MAP9: variants seen among roughly 807,000 people sequenced by gnomAD.
MAP9 encodes microtubule associated protein 9.
MAP9 carries 80 observed loss-of-function variants against 75.2 expected under a neutral mutation model. That is an observed-to-expected ratio of 1.06 (90% CI 0.89 to 1.28). MAP9 has a LOEUF of 1.28. Among genes scored for constraint, MAP9 ranks in the 50% most tolerant of loss-of-function variants. The pLI, the probability that MAP9 is intolerant of heterozygous loss-of-function variation, is 0.00. For synonymous variants in MAP9, 235 were observed against 237.3 expected, an observed-to-expected ratio of 0.99 and a Z score of 0.09; for missense variants, 753 against 719.9, an observed-to-expected ratio of 1.05 and a Z score of -0.53.
chr4:155,373,109 G>A (rs1732675106), intron 4 of MAP9, 27 bp downstream of exon 4: 1 of 1,410,222 alleles, frequency 7.1e-7, no homozygotes, highest in Non-Finnish European at 9.5e-7. Flanking sequence ...TCCAAGAAAT[G>A]CAATTACAGT....
chr4:155,352,691 T>C lies in MAP9; in HGVS notation c.1726A>G (p.Lys576Glu), dbSNP rs1259675166. 5 of 1,564,276 alleles carry C rather than the reference T, an allele frequency of 3.2e-6. No individual in the cohort carries two copies. In the South Asian group the frequency reaches 3.4e-5, roughly 11 times the overall value. Residue 576 changes from lysine to glutamate, a missense_variant, in exon 13 of 14, where the codon AAA (lysine) becomes GAA (glutamate). By Grantham distance (56) the Lys-to-Glu change is moderately conservative. Transcript: ENST00000311277. ...TTTCTTTTCTCATTTATTTTTTCTTTTTCCTTTTGCTTGAAAAAAGCTTCC... is the reference window on the plus strand; with the variant it reads ...TTTCTTTTCTCATTTATTTTTTCTTCTTCCTTTTGCTTGAAAAAAGCTTCC... Reference protein sequence around the residue: ...KKEAFFKQKEKEKINEKRKEE... With the variant: ...KKEAFFKQKEEEKINEKRKEE...
intron 5 of MAP9, chr4:155,362,965 A>C (rs1732156296): frequency 6.6e-6 from 1 of 152,206 alleles, no homozygotes; most frequent in African/African-American, 2.4e-5. Context: ...TTTTGCCAGA[A>C]GGCATTCTCC....
Position 155,365,532 on chromosome 4 carries a change from A to G in MAP9, c.708+3054T>C, listed in dbSNP as rs1732284811. Among the ~76,000 whole-genome samples, 3 of 152,140 alleles carry G rather than the reference A, an allele frequency of 2.0e-5. No individual in the cohort carries two copies. The South Asian group carries it at 6.2e-4, about 31-fold the overall frequency. ...GACCAAACTTAAATTATACAACATT[A>G]TATTCAACACCTGGAGAACACATCT... On this transcript the variant is annotated intron_variant, in intron 5 of 13. Transcript: ENST00000311277.
intron 10 of MAP9, 31 bp from the exon 11 acceptor site, chr4:155,353,371 C>G: frequency 6.7e-7 from 1 of 1,498,378 alleles, no homozygotes; most frequent in Middle Eastern, 2.0e-4. Context: ...GAGTGATATA[C>G]ATATATATGT....
chr4:155,368,491 C>A, intron 5 of MAP9, 95 bp downstream of exon 5: 1 of 1,000,926 alleles, frequency 1.0e-6, no homozygotes, highest in Non-Finnish European at 1.6e-6. Flanking sequence ...CACACACACA[C>A]GCACACAAAT....
At chr4:155,352,463 G>C in intron 13 of MAP9, 133 bp downstream of exon 13, 1 of 839,982 alleles carries the variant, frequency 1.2e-6, no homozygotes, top group Non-Finnish European at 1.9e-6. Context: ...CAGGAGGAGA[G>C]CTTGAATTCA....
At chr4:155,375,176 G>A (rs968256295) in intron 2 of MAP9, among the ~76,000 whole-genome samples, 155 bp from the exon 3 acceptor site, 7 of 152,232 alleles carry the variant, frequency 4.6e-5, no homozygotes, top group African/African-American at 1.4e-4. Context: ...TTTATGCCAT[G>A]TACCCACTTT....
chr4:155,358,203 T>C (rs1731892318), intron 7 of MAP9, among the ~76,000 whole-genome samples: 1 of 152,226 alleles, frequency 6.6e-6, no homozygotes, highest in Non-Finnish European at 1.5e-5. Flanking sequence ...ATGAAATGCC[T>C]GTTCTAATTT....
At chr4:155,364,642 C>CA (rs1488219418) in intron 5 of MAP9, among the ~76,000 whole-genome samples, 13 of 149,266 alleles carry the variant, frequency 8.7e-5, no homozygotes, top group African/African-American at 2.9e-4. Context: ...AAGTCTAATA[C>CA]AAAAAACTGA....
chr4:155,365,846 C>G (rs1376161361), intron 5 of MAP9, among the ~76,000 whole-genome samples: 2 of 151,152 alleles, frequency 1.3e-5, no homozygotes, highest in Non-Finnish European at 2.9e-5. Flanking sequence ...TATTATTTTT[C>G]AACTAAAAAA....
intron 13 of MAP9, 103 bp from the exon 14 acceptor site, chr4:155,348,008 A>G: frequency 1.1e-5 from 8 of 707,464 alleles, no homozygotes; most frequent in Non-Finnish European, 1.8e-5. Flanking sequence ...TAGGATATTT[A>G]TATATCACTT....
chr4:155,374,992 G>A lies in MAP9; in HGVS notation c.105C>T (p.Arg35=), dbSNP rs747210365. Residue 35 remains arginine (R), a synonymous_variant, in exon 3 of 14, where the codon CGC becomes CGT. Coordinates refer to ENST00000311277, the MANE Select transcript of MAP9 (RefSeq NM_001039580.2). Reference sequence around the variant, plus strand: ...ATTCAGAACTCCTTTGTCTGGCTGAGCGAGCTGTAATTGCTCTTATTAGCT... The same window carrying A: ...ATTCAGAACTCCTTTGTCTGGCTGAACGAGCTGTAATTGCTCTTATTAGCT... ...QDELIRAITA[R]SARQRSSEYS... 5.7e-6 allele frequency: 9 copies of A among 1,588,404 alleles called. No homozygotes were observed. Among genetic ancestry groups the A allele is most frequent in the Admixed American group, 5.0e-5 (3 of 59,486 alleles).
chr4:155,346,765 C>G lies in MAP9; in HGVS notation c.*1018G>C, dbSNP rs970808816. 1 of 152,522 alleles carries G rather than the reference C, an allele frequency of 6.6e-6. No individual in the cohort carries two copies. Among genetic ancestry groups the G allele is most frequent in the Non-Finnish European group, 1.5e-5 (1 of 68,012 alleles). 9.4% of individuals were successfully genotyped at this position (152,522 alleles called of 1,614,324 possible). On this transcript the variant is annotated 3_prime_UTR_variant, in exon 14 of 14. Coordinates refer to ENST00000311277, the MANE Select transcript of MAP9 (RefSeq NM_001039580.2). ...ACAACTGACTAATGCATTTCAGCTCCGTGAGCATACACTTGGTCTGTCTTA... is the reference window on the plus strand; with the variant it reads ...ACAACTGACTAATGCATTTCAGCTCGGTGAGCATACACTTGGTCTGTCTTA...
intron 13 of MAP9, among the ~76,000 whole-genome samples, chr4:155,348,671 A>T (rs1196019646): frequency 6.6e-6 from 1 of 152,160 alleles, no homozygotes; most frequent in Non-Finnish European, 1.5e-5. Flanking sequence ...ATTTTCAAAC[A>T]TTTCTTTAGC....
intron 4 of MAP9, among the ~76,000 whole-genome samples, chr4:155,370,501 C>A (rs1426931667): frequency 6.6e-6 from 1 of 152,182 alleles, no homozygotes; most frequent in Non-Finnish European, 1.5e-5. Context: ...TCCCTCCAAT[C>A]CCTCCTGCTA....
intron 5 of MAP9, among the ~76,000 whole-genome samples, chr4:155,366,953 C>T (rs1732359255): frequency 6.6e-6 from 1 of 152,070 alleles, no homozygotes; most frequent in Non-Finnish European, 1.5e-5. Flanking sequence ...CTGATGGTAA[C>T]ATTATAAGAA....
chr4:155,369,106 A>G (rs1179419996), intron 4 of MAP9, among the ~76,000 whole-genome samples: 5 of 152,148 alleles, frequency 3.3e-5, no homozygotes, highest in Admixed American at 3.3e-4. Flanking sequence ...GCAGATCATG[A>G]GGTCAGGAGT....
In MAP9 at chr4:155,347,771, G is replaced by C. The variant is rs761700188; in HGVS notation, c.*12C>G. 8.8e-6 allele frequency: 14 copies of C among 1,585,978 alleles called. No individual in the cohort carries two copies. In the African/African-American group the frequency reaches 1.4e-4, roughly 15 times the overall value. On this transcript the variant is annotated 3_prime_UTR_variant, in exon 14 of 14. Transcript: ENST00000311277. ...ACCGATAAATAACCAAATAATGTAAGAACTAGAATTATCAAAACACTTTTG... is the reference window on the plus strand; with the variant it reads ...ACCGATAAATAACCAAATAATGTAACAACTAGAATTATCAAAACACTTTTG...
At chr4:155,374,226 C>T (rs1411218507) in intron 3 of MAP9, among the ~76,000 whole-genome samples, 3 of 152,108 alleles carry the variant, frequency 2.0e-5, no homozygotes, top group Admixed American at 1.3e-4. Context: ...GTAGTCCCAG[C>T]TACTCAGGAG....
Sources: allele counts gnomAD v4.1 joint callset (sites outside exome capture counted in the v4.1 genomes callset), GRCh38; gene constraint gnomAD v4.1.1; transcripts MANE v1.5; gene names NCBI Gene and HGNC (gene_info 2026-07-23, HGNC 2026-07-21).